Variants in MAPK10 observed in about 807,000 individuals in gnomAD.
The protein encoded by MAPK10 is mitogen-activated protein kinase 10.
In MAPK10, 25 loss-of-function variants were observed where a neutral mutation model predicts 59.3. The ratio of observed to expected loss-of-function variants is 0.42; its 90% confidence interval spans 0.31 to 0.59. The LOEUF is 0.59. Ranked by LOEUF, MAPK10 falls within the 20% of genes least tolerant of loss-of-function variation. The pLI is 0.15. For missense variants in MAPK10, 351 were observed against 568.9 expected (o/e 0.62, Z 3.90); for synonymous variants, 190 against 200.5 (o/e 0.95, Z 0.44).
At chr4:86,246,943 T>A (rs1038583463) in intron 2 of MAPK10, among the ~76,000 whole-genome samples, 4 of 152,178 alleles carry the variant, frequency 2.6e-5, no homozygotes, top group Non-Finnish European at 5.9e-5. Context: ...CCCGTGATGC[T>A]CCAGGGTAGT....
chr4:86,460,989 A>G (rs1213928667), intron 1 of MAPK10, among the ~76,000 whole-genome samples: 1 of 152,102 alleles, frequency 6.6e-6, no homozygotes, highest in Non-Finnish European at 1.5e-5. Context: ...TAATTCCTCT[A>G]GCACCACTGG....
In MAPK10 at chr4:86,102,034, T is replaced by C; in HGVS notation, c.426-2A>G. On this transcript the variant is annotated splice_acceptor_variant, in intron 6 of 13. Coordinates refer to ENST00000641462, the MANE Select transcript of MAPK10 (RefSeq NM_138982.4). LOFTEE classifies it high-confidence loss of function. ...TCCATCAGTTCCATTACTAAGTAAC[T>C]AGAAGGGTGAATCCACAGTGTTAGT... The C allele has an allele frequency of 6.2e-7, 1 of 1,613,520 alleles. No homozygotes were observed. Among genetic ancestry groups the C allele is most frequent in the Non-Finnish European group, 8.5e-7 (1 of 1,179,498 alleles).
chr4:86,086,067 C>T (rs770727202), intron 9 of MAPK10, among the ~76,000 whole-genome samples: 84 of 152,062 alleles, frequency 5.5e-4, no homozygotes, highest in Non-Finnish European at 5.3e-4. Context: ...CTAATGCATG[C>T]TGGGCTTAAT....
intron 1 of MAPK10, among the ~76,000 whole-genome samples, chr4:86,520,951 A>C: frequency 6.6e-6 from 1 of 152,306 alleles, no homozygotes; most frequent in Admixed American, 6.5e-5. Context: ...GCAAAGAGTC[A>C]TGTGATGTGA....
rs1553989298 is a variant in MAPK10 at position 86,103,105 on chromosome 4, G to GTGTGTGTA, written c.425+80_425+81insTACACACA. ...TGTGTGTGTGTGTGTGTGTGTGTGT[G>GTGTGTGTA]TGTGTGTGTGTGGTGTGTGATTTTC... On this transcript the variant is annotated intron_variant, in intron 6 of 13. Transcript: ENST00000641462. 3,922 of 793,070 alleles carry GTGTGTGTA rather than the reference G, an allele frequency of 4.9e-3. 12 individuals carry two copies. The highest frequency in any genetic ancestry group is 8.6e-3 in the Admixed American group (492 of 57,104). The allele number at this position is 793,070 out of a possible 1,614,324, so 49.1% of individuals were successfully genotyped here.
intron 2 of MAPK10, among the ~76,000 whole-genome samples, chr4:86,334,261 C>A (rs184692752): frequency 2.6e-5 from 4 of 152,160 alleles, no homozygotes; most frequent in Non-Finnish European, 5.9e-5. Context: ...ACGAGTCCTG[C>A]AGATTCTACC....
intron 1 of MAPK10, among the ~76,000 whole-genome samples, chr4:86,548,360 T>C (rs1386631642): frequency 2.0e-5 from 3 of 152,090 alleles, no homozygotes; most frequent in Admixed American, 2.0e-4. Flanking sequence ...CATGCCACCT[T>C]TAAGAACTGT....
At chr4:86,195,964 A>G (rs547066188) in intron 2 of MAPK10, among the ~76,000 whole-genome samples, 176 of 152,326 alleles carry the variant, frequency 1.2e-3, no homozygotes, top group African/African-American at 3.9e-3. Flanking sequence ...CATCTAGTCT[A>G]TCACTGATGA....
chr4:86,049,745 TTTC>T (rs1481184872), intron 11 of MAPK10, among the ~76,000 whole-genome samples: 2 of 152,172 alleles, frequency 1.3e-5, no homozygotes, highest in Admixed American at 6.6e-5. Flanking sequence ...AATGTCATTC[TTTC>T]TTCATCTCCA....
intron 2 of MAPK10, among the ~76,000 whole-genome samples, chr4:86,322,903 C>T (rs1464288555): frequency 2.6e-5 from 4 of 152,110 alleles, no homozygotes; most frequent in African/African-American, 7.2e-5. Flanking sequence ...ATTAGCATTG[C>T]GAGCTTCACG....
chr4:86,373,450 G>T lies in MAPK10; in HGVS notation c.-121-18806C>A, dbSNP rs532248548. Among the ~76,000 whole-genome samples the T allele has an allele frequency of 2.0e-5, 3 of 152,006 alleles. No homozygotes were observed. In the South Asian group the frequency reaches 6.3e-4, roughly 32 times the overall value. ...AAAGAGCTTCTGCACAGCAAAAGAA[G>T]CTATCATCAGAGTGAACAGGCAACC... On this transcript the variant is annotated intron_variant, in intron 1 of 13. Transcript: ENST00000361569.
At chr4:86,446,157 C>G (rs992909080) in intron 1 of MAPK10, among the ~76,000 whole-genome samples, 15 of 152,092 alleles carry the variant, frequency 9.9e-5, no homozygotes, top group Admixed American at 9.2e-4. Flanking sequence ...ATTATTGTTA[C>G]AAGGTACTTG....
rs746972727 is a variant in MAPK10 at position 86,238,401 on chromosome 4, G to GACATTT, written c.-6-43995_-6-43994insAAATGT. On this transcript the variant is annotated intron_variant, in intron 2 of 13. Coordinates refer to ENST00000641462, the MANE Select transcript of MAPK10 (RefSeq NM_138982.4). ...CTGTGAAGAATGTCAAAGGTAGTTTGATGGGAATAGCATTGAATCTATAAA... is the reference window on the plus strand; with the variant it reads ...CTGTGAAGAATGTCAAAGGTAGTTTGACATTTATGGGAATAGCATTGAATCTATAAA... Among the ~76,000 whole-genome samples the GACATTT allele has an allele frequency of 2.5e-3, 384 of 152,294 alleles. 1 individual carries two copies. The highest frequency in any genetic ancestry group is 5.1e-3 in the Admixed American group (78 of 15,296).
intron 4 of MAPK10, among the ~76,000 whole-genome samples, chr4:86,133,635 A>C (rs1200390450): frequency 1.3e-5 from 2 of 152,222 alleles, no homozygotes; most frequent in Non-Finnish European, 2.9e-5. Flanking sequence ...GAACTCTAAA[A>C]AACTCTTTTT....
intron 2 of MAPK10, among the ~76,000 whole-genome samples, chr4:86,256,021 TGTCA>T (rs1415319403): frequency 6.6e-6 from 1 of 152,120 alleles, no homozygotes; most frequent in African/African-American, 2.4e-5. Flanking sequence ...GGCGAGCAGG[TGTCA>T]GACAGGTACA....
At chr4:86,442,984 G>A (rs1286888551) in intron 1 of MAPK10, among the ~76,000 whole-genome samples, 1 of 152,126 alleles carries the variant, frequency 6.6e-6, no homozygotes, top group Non-Finnish European at 1.5e-5. Flanking sequence ...AGAGAAGGGA[G>A]GTCACAGAGC....
At chr4:86,591,020 G>A (rs1282798052) in intron 1 of MAPK10, among the ~76,000 whole-genome samples, 1 of 152,106 alleles carries the variant, frequency 6.6e-6, no homozygotes, top group African/African-American at 2.4e-5. Flanking sequence ...CACAATCATA[G>A]TCCACTACAA....
At chr4:86,045,885 C>T (rs1437489246) in intron 11 of MAPK10, among the ~76,000 whole-genome samples, 1 of 151,492 alleles carries the variant, frequency 6.6e-6, no homozygotes, top group Non-Finnish European at 1.5e-5. Flanking sequence ...GAAAATTAAT[C>T]ACTCCAAGCA....
At chr4:86,546,318 C>T (rs1435729959) in intron 1 of MAPK10, among the ~76,000 whole-genome samples, 2 of 151,766 alleles carry the variant, frequency 1.3e-5, no homozygotes, top group Non-Finnish European at 2.9e-5. Context: ...GAGGCTGAGA[C>T]GGGCAGATCA....
Sources: gnomAD v4.1 joint callset for allele counts (sites outside exome capture counted in the v4.1 genomes callset) on GRCh38, gnomAD v4.1.1 for gene constraint, MANE v1.5 for transcripts, NCBI Gene and HGNC (gene_info 2026-07-23, HGNC 2026-07-21) for gene names.